Variants in GDE1 observed in about 807,000 individuals in gnomAD.
GDE1 encodes glycerophosphodiester phosphodiesterase 1.
Under a neutral mutation model 32.2 loss-of-function variants are expected in GDE1, and 24 were observed. The observed-to-expected ratio is 0.75, with a 90% CI of 0.54 to 1.05. The LOEUF is 1.05. GDE1 is among the 50% of genes least tolerant of loss of function. GDE1 has a pLI of 0.00. For synonymous variants in GDE1, 159 were observed against 158.6 expected (o/e 1.00, Z -0.02); for missense variants, 380 against 415.0 (o/e 0.92, Z 0.73).
intron 1 of GDE1, among the ~76,000 whole-genome samples, chr16:19,519,449 CATATATATAT>C (rs111659244): frequency 5.4e-5 from 8 of 146,908 alleles, no homozygotes; most frequent in African/African-American, 1.0e-4. Flanking sequence ...TGTGTATGTG[CATATATATAT>C]ATATATATAT....
rs376607767 is a variant in GDE1 at position 19,509,544 on chromosome 16, A to G, written c.543+1295T>C. On this transcript the variant is annotated intron_variant, in intron 3 of 5. Coordinates refer to ENST00000353258, the MANE Select transcript of GDE1 (RefSeq NM_016641.4). ...AACGCAGACCAATTGGAAAACCTAG[A>G]CGTATACAACTATCGGTTTACTAGA... Among the ~76,000 whole-genome samples the G allele has an allele frequency of 5.9e-5, 9 of 152,282 alleles. No individual in the cohort carries two copies. The East Asian group carries it at 9.7e-4, about 16-fold the overall frequency.
intron 2 of GDE1, among the ~76,000 whole-genome samples, chr16:19,512,927 T>TTTTGTG (rs3222404): frequency 1.5e-5 from 2 of 137,006 alleles, no homozygotes; most frequent in Non-Finnish European, 3.1e-5. Context: ...TGTATCTGTT[T>TTTTGTG]TGTGTGTGTG....
At position 19,510,891 on chromosome 16, in the gene GDE1, C is replaced by T. The variant is rs1969309685; in HGVS notation, c.491G>A (p.Cys164Tyr). The T allele has an allele frequency of 1.9e-6, 3 of 1,604,980 alleles. No homozygotes were observed. The highest frequency in any genetic ancestry group is 1.1e-5 in the South Asian group (1 of 89,892). Residue 164 changes from cysteine (C) to tyrosine (Y), a missense_variant, in exon 3 of 6, where the codon TGC (cysteine) becomes TAC (tyrosine). Coordinates refer to ENST00000353258, the MANE Select transcript of GDE1 (RefSeq NM_016641.4). ...IPTLREAVAE[C>Y]LNHNLTIFFD... Reference sequence around the variant, plus strand: ...GAAGATTGTGAGGTTATGGTTTAGGCACTCTGCAACAGCTTCCCTTAGGGT... The same window carrying T: ...GAAGATTGTGAGGTTATGGTTTAGGTACTCTGCAACAGCTTCCCTTAGGGT...
In GDE1 at chr16:19,521,700, T is replaced by C. The variant is rs1969455731; in HGVS notation, c.261+4A>G. On this transcript the variant is annotated splice_donor_region_variant and intron_variant, in intron 1 of 5. Transcript: ENST00000353258. ...ACCGAGGGGCGCGAACGTGGGGGTC[T>C]CACCTGCCGAATGGCCGCCAGCGTG... 2 of 1,610,458 alleles carry C rather than the reference T, an allele frequency of 1.2e-6. No individual in the cohort carries two copies. Among genetic ancestry groups the C allele is most frequent in the African/African-American group, 2.7e-5 (2 of 74,812 alleles).
At chr16:19,511,103 ATTT>A (rs200614293) in intron 2 of GDE1, among the ~76,000 whole-genome samples, 159 bp from the exon 3 acceptor site, 3 of 143,402 alleles carry the variant, frequency 2.1e-5, no homozygotes, top group African/African-American at 2.6e-5. Context: ...TTACTTTAAG[ATTT>A]TTTTTTTTTT....
At position 19,503,535 on chromosome 16, in the gene GDE1, C is replaced by T. The variant is rs527541529; in HGVS notation, c.931G>A (p.Glu311Lys). ...ATATAGCTGGAACCAAGATGGGATTCGTAGTAACTCTTTTCATCAAAGGTA... is the reference window on the plus strand; with the variant it reads ...ATATAGCTGGAACCAAGATGGGATTTGTAGTAACTCTTTTCATCAAAGGTA... Reference protein sequence around the residue: ...VNTFDEKSYYESHLGSSYITD... With the variant: ...VNTFDEKSYYKSHLGSSYITD... The change falls in exon 6 of 6, where the codon GAA (glutamate) becomes AAA (lysine). Residue 311 changes from glutamate (E) to lysine (K), a missense_variant. Transcript: ENST00000353258. The T allele has an allele frequency of 2.5e-6, 4 of 1,613,118 alleles. No individual in the cohort carries two copies. Among genetic ancestry groups the T allele is most frequent in the East Asian group, 2.2e-5 (1 of 44,868 alleles).
chr16:19,515,476 G>A (rs182502561), intron 2 of GDE1, among the ~76,000 whole-genome samples: 21 of 152,212 alleles, frequency 1.4e-4, no homozygotes, highest in Admixed American at 1.2e-3. Flanking sequence ...AATGGACTCA[G>A]TGCTCCCTTA....
intron 1 of GDE1, among the ~76,000 whole-genome samples, chr16:19,517,714 T>C (rs1014673634): frequency 8.5e-5 from 13 of 152,200 alleles, no homozygotes; most frequent in African/African-American, 3.1e-4. Flanking sequence ...GCACTGGCTG[T>C]TGGCCCATAA....
Position 19,505,053 on chromosome 16 carries a change from G to GAGTT in GDE1, c.672_675dup (p.His226AsnfsTer18). ...GTATGGCTTAGGCTCCAAGGTCTGT[G>GAGTT]AGTTAATGCTGTTATTACATCCCGA... On this transcript the variant is annotated frameshift_variant, in exon 5 of 6. Transcript: ENST00000353258. LOFTEE classifies it high-confidence loss of function. 1 of 1,612,926 alleles carries GAGTT rather than the reference G, an allele frequency of 6.2e-7. No individual in the cohort carries two copies. The highest frequency in any genetic ancestry group is 8.5e-7 in the Non-Finnish European group (1 of 1,178,900).
chr16:19,511,778 T>C (rs542425208), intron 2 of GDE1, among the ~76,000 whole-genome samples: 1 of 152,196 alleles, frequency 6.6e-6, no homozygotes, highest in Admixed American at 6.5e-5. Flanking sequence ...TGAGATCAAC[T>C]TTTTTAGCTC....
chr16:19,517,265 G>C (rs1158208002), intron 1 of GDE1, 76 bp from the exon 2 acceptor site: 9 of 1,130,916 alleles, frequency 8.0e-6, no homozygotes, highest in Admixed American at 1.8e-5. Context: ...CAAAAGACCA[G>C]CAGGGCTCCT....
intron 1 of GDE1, among the ~76,000 whole-genome samples, chr16:19,517,881 A>ATTTCT (rs1405491013): frequency 2.0e-5 from 3 of 149,784 alleles, no homozygotes; most frequent in Non-Finnish European, 4.4e-5. Context: ...TACGATGAAG[A>ATTTCT]TTTCTTTCTT....
At chr16:19,507,000 G>GTGGT (rs1969255930) in intron 4 of GDE1, among the ~76,000 whole-genome samples, 1 of 151,644 alleles carries the variant, frequency 6.6e-6, no homozygotes, top group Admixed American at 6.6e-5. Context: ...TTAGCTGGGC[G>GTGGT]TGGTGACGTG....
chr16:19,505,580 CG>C (rs933630466), intron 4 of GDE1, among the ~76,000 whole-genome samples: 14 of 151,936 alleles, frequency 9.2e-5, no homozygotes, highest in African/African-American at 3.4e-4. Context: ...GGGATTGTGA[CG>C]AGAGAATGGG....
intron 4 of GDE1, 76 bp from the exon 5 acceptor site, chr16:19,505,168 G>A (rs749195346): frequency 2.0e-6 from 2 of 1,013,478 alleles, no homozygotes; most frequent in Non-Finnish European, 3.1e-6. Flanking sequence ...TTTAGCCAAT[G>A]TGCTCAATCA....
chr16:19,505,188 G>T, intron 4 of GDE1, 96 bp from the exon 5 acceptor site: 2 of 823,712 alleles, frequency 2.4e-6, no homozygotes, highest in South Asian at 1.5e-5. Flanking sequence ...AGATGAGGTG[G>T]TCATGGTTGG....
intron 2 of GDE1, among the ~76,000 whole-genome samples, chr16:19,512,584 G>GT (rs1366087790): frequency 6.6e-6 from 1 of 152,014 alleles, no homozygotes; most frequent in Non-Finnish European, 1.5e-5. Flanking sequence ...ACATTTGCCT[G>GT]TTTTTGTTGC....
chr16:19,521,991 G>C lies in GDE1; in HGVS notation c.-27C>G, dbSNP rs1969468502. 2 of 1,518,884 alleles carry C rather than the reference G, an allele frequency of 1.3e-6. No individual in the cohort carries two copies. The highest frequency in any genetic ancestry group is 2.8e-5 in the African/African-American group (2 of 72,476). 94.1% of individuals were successfully genotyped at this position (1,518,884 alleles called of 1,614,324 possible). A position where few individuals can be genotyped will look rare whatever the true frequency, so the allele number is the denominator to read the frequency against. ...CCGGCGCCCGCACCGGCACGGACGG[G>C]AGTCCCGGACCCGCCGGGCTCCTGG... On this transcript the variant is annotated 5_prime_UTR_variant, in exon 1 of 6. Transcript: ENST00000353258.
intron 4 of GDE1, among the ~76,000 whole-genome samples, chr16:19,505,703 T>C (rs1969238240): frequency 6.6e-6 from 1 of 152,134 alleles, no homozygotes; most frequent in South Asian, 2.1e-4. Context: ...GTCAAGGAAG[T>C]TTGGGAAACA....
Sources: allele counts gnomAD v4.1 joint callset (sites outside exome capture counted in the v4.1 genomes callset), GRCh38; gene constraint gnomAD v4.1.1; transcripts MANE v1.5; gene names NCBI Gene and HGNC (gene_info 2026-07-23, HGNC 2026-07-21).